TBCE: variants seen among roughly 807,000 people sequenced by gnomAD.
TBCE encodes tubulin folding cofactor E.
In TBCE, 53 loss-of-function variants were observed where a neutral mutation model predicts 77.0. That is an observed-to-expected ratio of 0.69 (90% CI 0.55 to 0.87). The LOEUF (loss-of-function observed/expected upper bound fraction) is 0.87. Ranked by LOEUF, TBCE falls within the 40% of genes least tolerant of loss-of-function variation. The pLI is 0.00. For synonymous variants in TBCE, 235 were observed against 241.3 expected (o/e 0.97, Z 0.24); for missense variants, 624 against 622.4 (o/e 1.00, Z -0.03).
chr1:235,399,334 T>C (rs1221030948), intron 2 of TBCE, among the ~76,000 whole-genome samples: 3 of 152,180 alleles, frequency 2.0e-5, no homozygotes, highest in Admixed American at 2.0e-4. Context: ...TTGTTCATGG[T>C]TCCTGGTTCT....
chr1:235,396,098 C>T (rs1420530678), intron 2 of TBCE, among the ~76,000 whole-genome samples: 4 of 151,806 alleles, frequency 2.6e-5, no homozygotes, highest in African/African-American at 7.3e-5. Flanking sequence ...CTCGCTTTGC[C>T]GCCCAGGCTG....
chr1:235,417,984 G>A (rs1397129656), intron 4 of TBCE, among the ~76,000 whole-genome samples: 1 of 152,070 alleles, frequency 6.6e-6, no homozygotes, highest in East Asian at 1.9e-4. Context: ...GTTTCACCAT[G>A]TTGGCCAGGC....
chr1:235,381,685 CAAAAAA>C (rs574997840), intron 2 of TBCE, among the ~76,000 whole-genome samples: 1 of 43,192 alleles, frequency 2.3e-5, no homozygotes. Flanking sequence ...ACTCCTTCTC[CAAAAAA>C]AAAAAAAAAA....
chr1:235,448,328 A>G (rs749192982), intron 15 of TBCE, 21 bp from the exon 16 acceptor site: 1 of 1,609,780 alleles, frequency 6.2e-7, no homozygotes, highest in Non-Finnish European at 8.5e-7. Flanking sequence ...GAACGAATGG[A>G]CTTTTCTTGT....
At chr1:235,439,781 C>T (rs1001935593) in intron 13 of TBCE, among the ~76,000 whole-genome samples, 1 of 151,708 alleles carries the variant, frequency 6.6e-6, no homozygotes, top group African/African-American at 2.4e-5. Context: ...AGCCACCGTG[C>T]GTAGCAGGAA....
At chr1:235,422,648 G>A (rs975147397) in intron 5 of TBCE, among the ~76,000 whole-genome samples, 1 of 152,090 alleles carries the variant, frequency 6.6e-6, no homozygotes, top group African/African-American at 2.4e-5. Flanking sequence ...TGGCCAACGC[G>A]GTGAAACCCC....
chr1:235,420,558 C>T (rs1044391118), intron 5 of TBCE, among the ~76,000 whole-genome samples: 21 of 150,234 alleles, frequency 1.4e-4, no homozygotes, highest in African/African-American at 5.2e-4. Context: ...TCTCAGCTCA[C>T]TGCAACCTCC....
intron 3 of TBCE, among the ~76,000 whole-genome samples, chr1:235,408,894 C>A (rs945914729): frequency 6.6e-6 from 1 of 152,096 alleles, no homozygotes; most frequent in Non-Finnish European, 1.5e-5. Flanking sequence ...AAGAAGCTTA[C>A]TGTGGAAGTC....
chr1:235,414,725 G>A, intron 4 of TBCE, 107 bp downstream of exon 4: 3 of 1,094,022 alleles, frequency 2.7e-6, no homozygotes, highest in Non-Finnish European at 2.7e-6. Flanking sequence ...CTCCTAAACT[G>A]GTTTATGGTT....
intron 2 of TBCE, among the ~76,000 whole-genome samples, chr1:235,387,546 T>C (rs1025248077): frequency 6.6e-6 from 1 of 152,178 alleles, no homozygotes; most frequent in Admixed American, 6.5e-5. Context: ...TGCAGTTTGA[T>C]CTCAGACTGC....
chr1:235,373,615 T>C lies in TBCE; in HGVS notation c.-32+6111T>C, dbSNP rs534891435. 5.3e-4 allele frequency among the ~76,000 whole-genome samples: 70 copies of C among 131,598 alleles called. No homozygotes were observed. The East Asian group carries it at 0.016, about 30-fold the overall frequency. The allele number at this position is 131,598 out of a possible 152,430, so 86.3% of individuals were successfully genotyped here. Reference sequence around the variant, plus strand: ...CTCACCACCATGCCCGGCTAATTTTTGTATTTTTATTTTTATTTATTTTTA... The same window carrying C: ...CTCACCACCATGCCCGGCTAATTTTCGTATTTTTATTTTTATTTATTTTTA... On this transcript the variant is annotated intron_variant, in intron 1 of 16. Transcript: ENST00000642610.
chr1:235,397,327 G>T (rs145605931), intron 2 of TBCE, among the ~76,000 whole-genome samples: 1 of 151,112 alleles, frequency 6.6e-6, no homozygotes, highest in South Asian at 2.1e-4. Flanking sequence ...TCAGCCTCCC[G>T]AGCAGCTGGG....
At chr1:235,416,849 AGT>A (rs987732639) in intron 4 of TBCE, among the ~76,000 whole-genome samples, 13 of 152,208 alleles carry the variant, frequency 8.5e-5, no homozygotes, top group African/African-American at 2.9e-4. Flanking sequence ...GAATGCAGCC[AGT>A]GTTGGAGTTA....
chr1:235,410,689 CG>C (rs1679735580), intron 3 of TBCE, among the ~76,000 whole-genome samples: 1 of 152,172 alleles, frequency 6.6e-6, no homozygotes, highest in Non-Finnish European at 1.5e-5. Context: ...CTGGTTCAAA[CG>C]TCTCTGACAT....
At chr1:235,378,229 T>G (rs1224227295) in intron 1 of TBCE, among the ~76,000 whole-genome samples, 1 of 152,194 alleles carries the variant, frequency 6.6e-6, no homozygotes, top group Non-Finnish European at 1.5e-5. Flanking sequence ...TTTTTTTGTT[T>G]GTTTGTTTTG....
At chr1:235,441,693 T>C (rs1655398205) in intron 13 of TBCE, 121 bp from the exon 14 acceptor site, 1 of 844,232 alleles carries the variant, frequency 1.2e-6, no homozygotes, top group Non-Finnish European at 1.9e-6. Context: ...GGCAGCTCCA[T>C]GTGTCCTGGG....
At chr1:235,435,686 T>C (rs1681402922) in intron 8 of TBCE, 59 bp from the exon 9 acceptor site, 9 of 1,500,808 alleles carry the variant, frequency 6.0e-6, no homozygotes, top group South Asian at 2.3e-5. Flanking sequence ...TTTAAGGCTG[T>C]ATCTTTGAAA....
chr1:235,432,986 T>G, intron 7 of TBCE: 1 of 1,502,678 alleles, frequency 6.7e-7, no homozygotes. Context: ...GGTCTCGACA[T>G]GCAGAAAGAC....
At chr1:235,395,368 A>G (rs1678658689) in intron 2 of TBCE, among the ~76,000 whole-genome samples, 1 of 151,948 alleles carries the variant, frequency 6.6e-6, no homozygotes, top group Admixed American at 6.6e-5. Context: ...GCCCAATTAT[A>G]CCCTTTTAGT....
Sources: gnomAD v4.1 joint callset for allele counts (sites outside exome capture counted in the v4.1 genomes callset) on GRCh38, gnomAD v4.1.1 for gene constraint, MANE v1.5 for transcripts, NCBI Gene and HGNC (gene_info 2026-07-23, HGNC 2026-07-21) for gene names.